The following WIPF3 variants were observed in gnomAD, a reference collection of about 807,000 sequenced individuals.
WIPF3 encodes the protein WAS/WASL interacting protein family member 3.
A neutral mutation model predicts 38.9 loss-of-function variants in WIPF3; 33 were observed. That is an observed-to-expected ratio of 0.85 (90% CI 0.64 to 1.14). The LOEUF is 1.14. Among genes scored for constraint, WIPF3 ranks in the 50% most tolerant of loss-of-function variants. The pLI is 0.00. For missense variants in WIPF3, 711 were observed against 652.5 expected (o/e 1.09, Z -0.98); for synonymous variants, 324 against 269.3 (o/e 1.20, Z -1.99).
intron 8 of WIPF3, among the ~76,000 whole-genome samples, chr7:29,909,244 AAAG>A (rs1219956115): frequency 2.6e-5 from 4 of 152,170 alleles, no homozygotes; most frequent in African/African-American, 9.6e-5. Context: ...AGAGCTAGAA[AAAG>A]AAGAACAAAC....
chr7:29,868,518 G>GTATATATATATATATA (rs138569662), intron 2 of WIPF3, among the ~76,000 whole-genome samples: 2 of 148,128 alleles, frequency 1.4e-5, no homozygotes, highest in African/African-American at 5.0e-5. Context: ...ATAATGAGAA[G>GTATATATATATATATA]TATATATATA....
intron 7 of WIPF3, among the ~76,000 whole-genome samples, chr7:29,902,828 T>A (rs2286141): frequency 0.48 from 71,068 of 147,704 alleles, 18,526 homozygotes; most frequent in East Asian, 0.79. Flanking sequence ...GGCAAGACTC[T>A]GTCTCAAAAC....
chr7:29,883,869 C>T lies in WIPF3; in HGVS notation c.375C>T (p.Gly125=). The T allele has an allele frequency of 1.9e-6, 3 of 1,562,658 alleles. No homozygotes were observed. Among genetic ancestry groups the T allele is most frequent in the Non-Finnish European group, 2.6e-6 (3 of 1,150,750 alleles). The change falls in exon 5 of 9, where the codon GGC becomes GGT. Residue 125 remains glycine (G), a synonymous_variant. Transcript: ENST00000242140. ...RDVAGGKTGQ[G]PGSRAPSPRL... is the part of the protein sequence containing the mutation. ...TTCCAGGTGGCAAGACAGGGCAGGG[C>T]CCTGGCTCCCGCGCGCCCTCTCCCA...
At position 29,839,201 on chromosome 7, in the gene WIPF3, G is replaced by A. The variant is rs117973155; in HGVS notation, c.90+4387G>A. On this transcript the variant is annotated intron_variant, in intron 2 of 8. Transcript: ENST00000242140. The stretch of plus-strand genomic sequence containing the variant: ...ATACAGTATCACTTTATAGAAATAC[G>A]TTAAACTGTACAAAATTATTTTATG... Among the ~76,000 whole-genome samples, 264 of 152,178 alleles carry A rather than the reference G, an allele frequency of 1.7e-3. 1 individual carries two copies. Among genetic ancestry groups the A allele is most frequent in the Non-Finnish European group, 2.9e-3 (198 of 68,000 alleles).
At chr7:29,810,436 A>G (rs1298042223) in intron 1 of WIPF3, among the ~76,000 whole-genome samples, 1 of 152,202 alleles carries the variant, frequency 6.6e-6, no homozygotes. Flanking sequence ...TGAATGAATT[A>G]AAGGACTGTG....
At chr7:29,824,550 TAAAAAAAAA>T (rs398047618) in intron 1 of WIPF3, among the ~76,000 whole-genome samples, 1,792 of 135,718 alleles carry the variant, frequency 0.013, 40 homozygotes, top group African/African-American at 0.046. Flanking sequence ...GATGTATTTT[TAAAAAAAAA>T]AAAAAGAAAA....
intron 2 of WIPF3, among the ~76,000 whole-genome samples, chr7:29,860,535 G>A (rs536892869): frequency 4.0e-4 from 61 of 152,256 alleles, no homozygotes; most frequent in African/African-American, 7.9e-4. Context: ...AGATGCTTGC[G>A]CCATGCTTCT....
intron 1 of WIPF3, among the ~76,000 whole-genome samples, chr7:29,815,113 C>T (rs1394614307): frequency 6.6e-6 from 1 of 152,138 alleles, no homozygotes; most frequent in African/African-American, 2.4e-5. Flanking sequence ...TCATGCTTCT[C>T]TCCAGGGATT....
At chr7:29,871,797 T>G (rs1047198829) in intron 2 of WIPF3, among the ~76,000 whole-genome samples, 1 of 152,130 alleles carries the variant, frequency 6.6e-6, no homozygotes, top group African/African-American at 2.4e-5. Flanking sequence ...TTGTTAAGAC[T>G]GTTGTTCAAT....
intron 1 of WIPF3, among the ~76,000 whole-genome samples, chr7:29,814,299 CT>C (rs143969408): frequency 0.025 from 3,739 of 152,174 alleles, 132 homozygotes; most frequent in African/African-American, 0.077. Flanking sequence ...CCTTTTCTGC[CT>C]TCTACAAAAG....
intron 7 of WIPF3, among the ~76,000 whole-genome samples, chr7:29,890,200 TA>T (rs56229844): frequency 0.73 from 110,802 of 151,822 alleles, 40,747 homozygotes; most frequent in South Asian, 0.89. Flanking sequence ...TTCTACAAAA[TA>T]ATTAGCCAGG....
At chr7:29,863,072 T>A (rs1350014926) in intron 2 of WIPF3, among the ~76,000 whole-genome samples, 3 of 152,314 alleles carry the variant, frequency 2.0e-5, no homozygotes, top group South Asian at 2.1e-4. Flanking sequence ...ATTTATTTAT[T>A]TTGAAATTAA....
Position 29,835,010 on chromosome 7 carries a change from C to T in WIPF3, c.90+196C>T, listed in dbSNP as rs11561838. ...TCAGCCATTTCTCTCCCCCATTCTT[C>T]GGCAGCTTCCACCTCCACCTCATTG... On this transcript the variant is annotated intron_variant, in intron 2 of 8. Coordinates refer to ENST00000242140, the MANE Select transcript of WIPF3 (RefSeq NM_001080529.3). Among the ~76,000 whole-genome samples the T allele has an allele frequency of 1.2e-3, 177 of 152,118 alleles. 4 individuals carry two copies. In the East Asian group the frequency reaches 0.032, roughly 27 times the overall value.
rs1371184593 is a variant in WIPF3, at chr7:29,884,103, A to C, written c.609A>C (p.Pro203=). The C allele has an allele frequency of 8.0e-6, 10 of 1,245,348 alleles. No homozygotes were observed. The highest frequency in any genetic ancestry group is 5.4e-5 in the South Asian group (3 of 55,452). 77.1% of individuals were successfully genotyped at this position (1,245,348 alleles called of 1,614,324 possible). The change falls in exon 5 of 9, where the codon CCA becomes CCC. Residue 203 remains proline, a synonymous_variant. Coordinates refer to ENST00000242140, the MANE Select transcript of WIPF3 (RefSeq NM_001080529.3). ...CCATCAAAACTCCGCTTGTGTCCCC[A>C]CCCGGCCCACTGACCAAAGGGAACC... ...SSPIKTPLVS[P]PGPLTKGNLP...
intron 2 of WIPF3, among the ~76,000 whole-genome samples, chr7:29,852,429 T>TC (rs1785117468): frequency 6.6e-6 from 1 of 152,272 alleles, no homozygotes; most frequent in Non-Finnish European, 1.5e-5. Context: ...AAATGAGATT[T>TC]CATAGGAAAA....
intron 2 of WIPF3, among the ~76,000 whole-genome samples, chr7:29,851,734 G>A (rs1425541860): frequency 2.0e-5 from 3 of 152,258 alleles, no homozygotes; most frequent in Non-Finnish European, 4.4e-5. Context: ...TGCAGGCTGG[G>A]CTGACTAGAC....
At chr7:29,911,959 G>T (rs1786512860) in intron 8 of WIPF3, among the ~76,000 whole-genome samples, 1 of 152,052 alleles carries the variant, frequency 6.6e-6, no homozygotes, top group East Asian at 1.9e-4. Flanking sequence ...TTTAAAATTT[G>T]CATATCAAAG....
chr7:29,911,483 AAAG>A (rs1336257626), intron 8 of WIPF3, among the ~76,000 whole-genome samples: 1 of 152,170 alleles, frequency 6.6e-6, no homozygotes, highest in African/African-American at 2.4e-5. Flanking sequence ...CAATCTTGAA[AAAG>A]AAGAATAAAT....
chr7:29,867,561 C>A (rs1280124677), intron 2 of WIPF3, among the ~76,000 whole-genome samples: 1 of 139,496 alleles, frequency 7.2e-6, no homozygotes, highest in East Asian at 2.2e-4. Context: ...CCCCTCCACA[C>A]CCCAGCTTTT....
Sources: allele counts gnomAD v4.1 joint callset (sites outside exome capture counted in the v4.1 genomes callset), GRCh38; gene constraint gnomAD v4.1.1; transcripts MANE v1.5; gene names NCBI Gene and HGNC (gene_info 2026-07-23, HGNC 2026-07-21).